IL17RA: variants seen among roughly 807,000 people sequenced by gnomAD.
IL17RA encodes the protein interleukin 17 receptor A.
In IL17RA, 34 loss-of-function variants were observed where a neutral mutation model predicts 50.4. That is an observed-to-expected ratio of 0.67 (90% CI 0.51 to 0.90). IL17RA has a LOEUF of 0.90. Among genes scored for constraint, IL17RA ranks in the 40% least tolerant of loss-of-function variants. The probability of loss-of-function intolerance (pLI) is 0.00; values close to 1 mark genes in which losing one functional copy is unlikely to be tolerated. For missense variants in IL17RA, 1,276 were observed against 1,169.8 expected (o/e 1.09, Z -1.32); for synonymous variants, 585 against 510.4 (o/e 1.15, Z -1.97).
In IL17RA at chr22:17,105,961, G is replaced by C. The variant is rs572837622; in HGVS notation, c.1045+7G>C. The C allele has an allele frequency of 3.1e-6, 5 of 1,611,914 alleles. No homozygotes were observed. The South Asian group carries it at 5.5e-5, about 18-fold the overall frequency. ...ATGACCTGGAGGCTAGCTGGTAAGC[G>C]CTGGGGCTCTGGCTGTCCTGGAGTC... is the stretch of plus-strand genomic sequence containing the variant. On this transcript the variant is annotated splice_region_variant and intron_variant, in intron 11 of 12. Transcript: ENST00000319363.
At chr22:17,096,963 G>A in intron 1 of IL17RA, 99 bp from the exon 2 acceptor site, 1 of 1,069,692 alleles carries the variant, frequency 9.3e-7, no homozygotes, top group Non-Finnish European at 1.5e-6. Context: ...AGGCTGTGTA[G>A]ATGGCATTCC....
Position 17,100,433 on chromosome 22 carries a change from A to G in IL17RA, c.502A>G (p.Ile168Val). ...EVTVHHLPKP[I>V]PDGDPNHQSK... Reference sequence around the variant, plus strand: ...GACCGTTCACCACCTGCCCAAGCCCATCCCTGATGGGGACCCAAACCACCA... The same window carrying G: ...GACCGTTCACCACCTGCCCAAGCCCGTCCCTGATGGGGACCCAAACCACCA... Residue 168 changes from isoleucine to valine, a missense_variant, in exon 5 of 13, where the codon ATC becomes GTC. Coordinates refer to ENST00000319363, the MANE Select transcript of IL17RA (RefSeq NM_014339.7). 6.2e-7 allele frequency: 1 copy of G among 1,614,146 alleles called. No homozygotes were observed.
At chr22:17,097,156 G>A in intron 2 of IL17RA, 70 bp downstream of exon 2, 1 of 1,461,452 alleles carries the variant, frequency 6.8e-7, no homozygotes, top group East Asian at 2.3e-5. Context: ...GCCAACTTCT[G>A]ACAGAAGTCT....
At chr22:17,090,942 AATC>A (rs1488028194) in intron 1 of IL17RA, among the ~76,000 whole-genome samples, 3 of 152,090 alleles carry the variant, frequency 2.0e-5, no homozygotes, top group African/African-American at 7.2e-5. Context: ...TTTCCCTCCA[AATC>A]ATCAGATATT....
intron 1 of IL17RA, among the ~76,000 whole-genome samples, chr22:17,090,499 T>C (rs1238368678): frequency 2.0e-5 from 3 of 152,214 alleles, no homozygotes; most frequent in Non-Finnish European, 4.4e-5. Context: ...GGTACTAAGA[T>C]GTTTAAAACA....
At chr22:17,097,731 C>T in intron 2 of IL17RA, 66 bp from the exon 3 acceptor site, 2 of 1,599,536 alleles carry the variant, frequency 1.3e-6, no homozygotes, top group South Asian at 1.1e-5. Context: ...CTGTCTGTAC[C>T]TGCTGCTGGG....
chr22:17,088,175 G>A (rs554572171), intron 1 of IL17RA, among the ~76,000 whole-genome samples: 3 of 152,302 alleles, frequency 2.0e-5, no homozygotes, highest in African/African-American at 7.2e-5. Context: ...GGCTGTGCTT[G>A]TAAGTTCAAA....
chr22:17,094,687 C>G lies in IL17RA; in HGVS notation c.139-2375C>G, dbSNP rs201763094. 6.2e-3 allele frequency among the ~76,000 whole-genome samples: 269 copies of G among 43,120 alleles called. 24 individuals carry two copies. The highest frequency in any genetic ancestry group is 7.7e-3 in the Non-Finnish European group (183 of 23,818). 28.3% of individuals were successfully genotyped at this position (43,120 alleles called of 152,430 possible). A position where few individuals can be genotyped will look rare whatever the true frequency, so the allele number is the denominator to read the frequency against. ...TCTCTCTCTCTCTCTCTCTCTCTCT[C>G]TCTCTATATATATATATATATATAT... On this transcript the variant is annotated intron_variant, in intron 1 of 12. Coordinates refer to ENST00000319363, the MANE Select transcript of IL17RA (RefSeq NM_014339.7).
At chr22:17,094,673 C>CTATATATATATATATATA (rs1568917416) in intron 1 of IL17RA, among the ~76,000 whole-genome samples, 1 of 47,850 alleles carries the variant, frequency 2.1e-5, no homozygotes, top group African/African-American at 1.0e-4. Context: ...CTCTCTCTCT[C>CTATATATATATATATATA]TCTCTCTCTC....
At chr22:17,095,735 A>G (rs2061366099) in intron 1 of IL17RA, among the ~76,000 whole-genome samples, 2 of 151,488 alleles carry the variant, frequency 1.3e-5, no homozygotes. Flanking sequence ...TTTTGTTGGG[A>G]ACATGTGCGG....
chr22:17,110,079 A>G lies in IL17RA; in HGVS notation c.*259A>G, dbSNP rs1472809650. The G allele has an allele frequency of 1.9e-6, 1 of 535,390 alleles. No homozygotes were observed. The highest frequency in any genetic ancestry group is 3.4e-6 in the Non-Finnish European group (1 of 297,218). 33.2% of individuals were successfully genotyped at this position (535,390 alleles called of 1,614,324 possible). On this transcript the variant is annotated 3_prime_UTR_variant, in exon 13 of 13. Coordinates refer to ENST00000319363, the MANE Select transcript of IL17RA (RefSeq NM_014339.7). ...GGTAGAGCGTCCTTGAGGCTCCATT[A>G]TTCGTTCATTCAGCATTTATTGTGC...
rs770039120 is a variant in IL17RA, at chr22:17,112,103, CTG to C, written c.*2285_*2286del. 1 of 152,198 alleles carries C rather than the reference CTG, an allele frequency of 6.6e-6. No individual in the cohort carries two copies. Among genetic ancestry groups the C allele is most frequent in the African/African-American group, 2.4e-5 (1 of 41,404 alleles). 9.4% of individuals were successfully genotyped at this position (152,198 alleles called of 1,614,324 possible). On this transcript the variant is annotated 3_prime_UTR_variant, in exon 13 of 13. Transcript: ENST00000319363. ...CCTTTCCCTAGCTTCCAATAAATAA[CTG>C]TTTGACGCCCAGAGTACAGGATACC...
At chr22:17,094,011 T>C (rs939427927) in intron 1 of IL17RA, 1 of 152,122 alleles carries the variant, frequency 6.6e-6, no homozygotes, top group Non-Finnish European at 1.5e-5. Flanking sequence ...TTAGACAGAG[T>C]CTCGCTCTGT....
rs1236117654 is a variant in IL17RA at position 17,097,888 on chromosome 22, C to T, written c.255C>T (p.Thr85=). The part of the protein sequence containing the change: ...DLQIQLHFAH[T]QQGDLFPVAH... ...AGATCCAGCTGCACTTTGCCCACACCCAACAAGGAGACCTGTTCCCCGTGG... is the reference window on the plus strand; with the variant it reads ...AGATCCAGCTGCACTTTGCCCACACTCAACAAGGAGACCTGTTCCCCGTGG... Residue 85 remains threonine, a synonymous_variant, in exon 3 of 13, where the codon ACC becomes ACT. Transcript: ENST00000319363. The T allele has an allele frequency of 6.2e-7, 1 of 1,614,068 alleles. No individual in the cohort carries two copies.
At chr22:17,102,594 T>C (rs2061395905) in intron 7 of IL17RA, among the ~76,000 whole-genome samples, 2 of 144,570 alleles carry the variant, frequency 1.4e-5, no homozygotes, top group South Asian at 4.4e-4. Flanking sequence ...AAAAAGGATT[T>C]GAGGATTTAA....
chr22:17,103,645 G>C (rs185302209), intron 8 of IL17RA, 68 bp downstream of exon 8: 9 of 1,224,966 alleles, frequency 7.3e-6, no homozygotes, highest in African/African-American at 1.5e-5. Context: ...GGACAGGAGT[G>C]AGGAGTGTGC....
rs933081408 is a variant in IL17RA at position 17,111,825 on chromosome 22, C to T, written c.*2005C>T. ...AGTTTCTAGCAGGAAGGTCGAGCCA[C>T]TTACTGTAGGTCAAGAAGTTGCTAG... On this transcript the variant is annotated 3_prime_UTR_variant, in exon 13 of 13. Coordinates refer to ENST00000319363, the MANE Select transcript of IL17RA (RefSeq NM_014339.7). 2 of 152,210 alleles carry T rather than the reference C, an allele frequency of 1.3e-5. No homozygotes were observed. Among genetic ancestry groups the T allele is most frequent in the African/African-American group, 4.8e-5 (2 of 41,442 alleles). The allele number at this position is 152,210 out of a possible 1,614,324, so 9.4% of individuals were successfully genotyped here. A position where few individuals can be genotyped will look rare whatever the true frequency, so the allele number is the denominator to read the frequency against.
chr22:17,113,626 G>T lies in IL17RA; in HGVS notation c.*3806G>T. On this transcript the variant is annotated 3_prime_UTR_variant, in exon 13 of 13. Transcript: ENST00000319363. Reference sequence around the variant, plus strand: ...GGTGCTCCCCTTCCTAAATAAATGAGGTGTATGCAGGGCCCTCTTCTGCCT... The same window carrying T: ...GGTGCTCCCCTTCCTAAATAAATGATGTGTATGCAGGGCCCTCTTCTGCCT... The T allele has an allele frequency of 6.6e-6, 1 of 152,424 alleles. No homozygotes were observed. 9.4% of individuals were successfully genotyped at this position (152,424 alleles called of 1,614,324 possible). A position where few individuals can be genotyped will look rare whatever the true frequency, so the allele number is the denominator to read the frequency against.
chr22:17,106,687 T>C (rs1434092569), intron 11 of IL17RA, among the ~76,000 whole-genome samples: 2 of 152,160 alleles, frequency 1.3e-5, no homozygotes, highest in Non-Finnish European at 2.9e-5. Context: ...GGAAGCTGTT[T>C]CCACCCTTCC....
Sources: allele counts gnomAD v4.1 joint callset (sites outside exome capture counted in the v4.1 genomes callset), GRCh38; gene constraint gnomAD v4.1.1; transcripts MANE v1.5; gene names NCBI Gene and HGNC (gene_info 2026-07-23, HGNC 2026-07-21).